The following DYDC2 variants were observed in gnomAD, a reference collection of about 807,000 sequenced individuals.
DYDC2 encodes DPY30 domain containing 2, also known as DPY30 domain-containing protein 2.
A neutral mutation model predicts 18.7 loss-of-function variants in DYDC2; 19 were observed. The ratio of observed to expected loss-of-function variants is 1.02; its 90% CI spans 0.71 to 1.49. The LOEUF (loss-of-function observed/expected upper bound fraction) is 1.49. Among genes scored for constraint, DYDC2 ranks in the 40% most tolerant of loss-of-function variants. The pLI is 0.00. For missense variants in DYDC2, 179 were observed against 205.1 expected, an observed-to-expected ratio of 0.87 and a Z score of 0.78; for synonymous variants, 63 against 67.6, an observed-to-expected ratio of 0.93 and a Z score of 0.34.
In DYDC2 at chr10:80,357,961, C is replaced by T. The variant is rs1306718118; in HGVS notation, c.-94C>T. On this transcript the variant is annotated 5_prime_UTR_variant, in exon 2 of 5. Transcript: ENST00000256039. ...ACAACCCCTATTCTTATCACCTTGC[C>T]TACTGAGTGCAAGTCCAGGAACTGT... 6 of 985,018 alleles carry T rather than the reference C, an allele frequency of 6.1e-6. No individual in the cohort carries two copies. The highest frequency in any genetic ancestry group is 1.7e-5 in the African/African-American group (1 of 57,210). 61.0% of individuals were successfully genotyped at this position (985,018 alleles called of 1,614,324 possible). A position where few individuals can be genotyped will look rare whatever the true frequency, so the allele number is the denominator to read the frequency against.
chr10:80,354,347 G>C (rs893801682), upstream of DYDC2: 1 of 150,986 alleles, frequency 6.6e-6, no homozygotes, highest in Non-Finnish European at 1.5e-5. Flanking sequence ...TTATCTGGGC[G>C]TGGTGGCACA....
chr10:80,366,161 T>G (rs1843832696), intron 4 of DYDC2, among the ~76,000 whole-genome samples: 4 of 147,890 alleles, frequency 2.7e-5, no homozygotes. Flanking sequence ...GCCTCCCAAG[T>G]AGCTGGGATT....
At chr10:80,351,853 T>C (rs780704099), upstream of DYDC2, 35 of 1,556,664 alleles carry the variant, frequency 2.2e-5, no homozygotes, top group African/African-American at 6.8e-5. Flanking sequence ...CATGCTGAGG[T>C]TGGCATCGTT....
At chr10:80,360,025 C>T (rs565864654) in intron 2 of DYDC2, among the ~76,000 whole-genome samples, 5 of 152,344 alleles carry the variant, frequency 3.3e-5, no homozygotes, top group Admixed American at 6.5e-5. Flanking sequence ...GCTGCCAGCA[C>T]GCTGTCACCT....
chr10:80,363,055 C>A lies in DYDC2; in HGVS notation c.252C>A (p.Asn84Lys). ...LKQEEYQIQQ[N>K]CEKCHKELTS... ...AGGAAGAGTATCAGATTCAACAGAA[C>A]TGTGAAAAGTGTCACAAGGTAGGGA... is the stretch of plus-strand genomic sequence containing the variant. Residue 84 changes from asparagine (N) to lysine (K), a missense_variant, in exon 4 of 5, where the codon AAC becomes AAA. Coordinates refer to ENST00000256039, the MANE Select transcript of DYDC2 (RefSeq NM_032372.6). 1 of 1,613,306 alleles carries A rather than the reference C, an allele frequency of 6.2e-7. No homozygotes were observed. The highest frequency in any genetic ancestry group is 8.5e-7 in the Non-Finnish European group (1 of 1,179,728).
intron 1 of DYDC2, among the ~76,000 whole-genome samples, chr10:80,351,030 G>C (rs889709552): frequency 6.6e-6 from 1 of 152,160 alleles, no homozygotes; most frequent in African/African-American, 2.4e-5. Flanking sequence ...ACGATTATCA[G>C]TACTTGATCT....
At chr10:80,352,411 C>G (rs768058209), upstream of DYDC2, 1 of 1,503,070 alleles carries the variant, frequency 6.7e-7, no homozygotes, top group Admixed American at 2.4e-5. Flanking sequence ...CAAGTTGGAC[C>G]AGTTTTTTTT....
At chr10:80,366,028 CTTTTT>C (rs770351822) in intron 4 of DYDC2, among the ~76,000 whole-genome samples, 1 of 90,338 alleles carries the variant, frequency 1.1e-5, no homozygotes, top group Admixed American at 1.5e-4. Context: ...TTTTCTTTCT[CTTTTT>C]TTTTTTTTTT....
upstream of DYDC2, chr10:80,354,427 A>C (rs1813110533): frequency 6.8e-6 from 1 of 148,106 alleles, no homozygotes; most frequent in Non-Finnish European, 1.5e-5. Flanking sequence ...CAGAGGTTGC[A>C]GTGAGCTGAG....
chr10:80,366,617 T>A (rs1333304819), intron 4 of DYDC2, 71 bp from the exon 5 acceptor site: 1 of 1,504,362 alleles, frequency 6.6e-7, no homozygotes, highest in Non-Finnish European at 8.9e-7. Context: ...AGCAATACTG[T>A]GTTTTTGCCA....
Position 80,357,883 on chromosome 10 carries a change from A to G in DYDC2, c.-162-10A>G. 1 of 985,468 alleles carries G rather than the reference A, an allele frequency of 1.0e-6. No homozygotes were observed. The highest frequency in any genetic ancestry group is 1.2e-6 in the Non-Finnish European group (1 of 829,946). 61.0% of individuals were successfully genotyped at this position (985,468 alleles called of 1,614,324 possible). ...ACTCTCTCAATGAATAAGTCAAGAA[A>G]TATTTACAGAGCTCCCAGTGTGCCA... On this transcript the variant is annotated splice_polypyrimidine_tract_variant and intron_variant, in intron 1 of 4. Transcript: ENST00000256039.
intron 2 of DYDC2, among the ~76,000 whole-genome samples, chr10:80,358,917 C>T (rs1204476705): frequency 1.3e-5 from 2 of 152,162 alleles, no homozygotes; most frequent in African/African-American, 4.8e-5. Flanking sequence ...GCTGGTCTCC[C>T]TTCAGAAGTG....
At chr10:80,356,898 A>G (rs1467218388) in intron 1 of DYDC2, 73 bp downstream of exon 1, 37 of 957,162 alleles carry the variant, frequency 3.9e-5, no homozygotes, top group Non-Finnish European at 4.4e-5. Flanking sequence ...CAGGAGTAGG[A>G]GCAGGCGGCA....
intron 2 of DYDC2, among the ~76,000 whole-genome samples, 153 bp from the exon 3 acceptor site, chr10:80,362,282 G>A (rs550518811): frequency 6.6e-6 from 1 of 152,352 alleles, no homozygotes; most frequent in South Asian, 2.1e-4. Flanking sequence ...GAATATAACA[G>A]CAAGTAAGTG....
chr10:80,357,794 T>G, intron 1 of DYDC2, 99 bp from the exon 2 acceptor site: 1 of 985,604 alleles, frequency 1.0e-6, no homozygotes, highest in Non-Finnish European at 1.2e-6. Context: ...AGATGTTAGT[T>G]GAGCTAGTAA....
chr10:80,351,975 G>A (rs142759387), upstream of DYDC2: 158 of 1,613,952 alleles, frequency 9.8e-5, no homozygotes, highest in African/African-American at 9.2e-4. Flanking sequence ...TCTCTTTCAC[G>A]CTCCAGCTTG....
In DYDC2 at chr10:80,356,840, C is replaced by G. The variant is rs80172528; in HGVS notation, c.-163+15C>G. On this transcript the variant is annotated intron_variant, in intron 1 of 4. Transcript: ENST00000256039. ...CGCGCGGATAGGTGAGCAGAGGGCA[C>G]GCGGTGGGCAGCGAAGGGGGAACGC... 3.6e-3 allele frequency: 3,592 copies of G among 984,920 alleles called. 113 individuals are homozygous for G. The African/African-American group carries it at 0.059, about 16-fold the overall frequency. The allele number at this position is 984,920 out of a possible 1,614,324, so 61.0% of individuals were successfully genotyped here.
intron 1 of DYDC2, among the ~76,000 whole-genome samples, chr10:80,348,754 GA>G (rs1842809476): frequency 6.6e-6 from 1 of 152,108 alleles, no homozygotes; most frequent in South Asian, 2.1e-4. Flanking sequence ...CAAAATTCTA[GA>G]AATACCTTCT....
upstream of DYDC2, among the ~76,000 whole-genome samples, chr10:80,353,078 A>C (rs139967477): frequency 1.3e-5 from 2 of 152,088 alleles, no homozygotes; most frequent in Non-Finnish European, 2.9e-5. Flanking sequence ...CCCTAACCCT[A>C]AAGACTACAC....
Sources: gnomAD v4.1 joint callset for allele counts (sites outside exome capture counted in the v4.1 genomes callset) on GRCh38, gnomAD v4.1.1 for gene constraint, MANE v1.5 for transcripts, NCBI Gene and HGNC (gene_info 2026-07-23, HGNC 2026-07-21) for gene names.